The following LAMA2 variants were observed in gnomAD, a reference collection of about 807,000 sequenced individuals.
The protein encoded by LAMA2 is laminin subunit alpha 2.
LAMA2 carries 269 observed loss-of-function variants against 364.8 expected under a neutral mutation model. That is an observed-to-expected ratio of 0.74 (90% confidence interval 0.67 to 0.82). The LOEUF (loss-of-function observed/expected upper bound fraction) is 0.82, where lower values mean the gene tolerates loss of function less well. Ranked by LOEUF, LAMA2 falls within the 40% of genes least tolerant of loss-of-function variation. The probability of loss-of-function intolerance (pLI) is 0.00; values close to 1 mark genes in which losing one functional copy is unlikely to be tolerated. For synonymous variants in LAMA2, 1,379 were observed against 1,370.6 expected, an observed-to-expected ratio of 1.01 and a Z score of -0.14; for missense variants, 3,807 against 3,873.2, an observed-to-expected ratio of 0.98 and a Z score of 0.45.
intron 1 of LAMA2, among the ~76,000 whole-genome samples, chr6:129,040,154 G>A (rs996134689): frequency 1.3e-5 from 2 of 152,168 alleles, no homozygotes; most frequent in African/African-American, 2.4e-5. Flanking sequence ...TTTCTGTGGA[G>A]TCACATTTTA....
intron 37 of LAMA2, among the ~76,000 whole-genome samples, chr6:129,398,472 C>CTTTTTTTTTTTTTTTTTTTTTTTT (rs71028159): frequency 9.0e-6 from 1 of 110,552 alleles, no homozygotes; most frequent in Non-Finnish European, 1.8e-5. Flanking sequence ...CTTTTCTTTT[C>CTTTTTTTTTTTTTTTTTTTTTTTT]TTTTTTTTTT....
intron 28 of LAMA2, among the ~76,000 whole-genome samples, chr6:129,322,307 A>G (rs370743643): frequency 6.6e-6 from 1 of 152,226 alleles, no homozygotes; most frequent in East Asian, 1.9e-4. Flanking sequence ...TACAGTAAGC[A>G]CTGCTCTTTC....
intron 3 of LAMA2, among the ~76,000 whole-genome samples, chr6:129,061,738 A>G (rs148461168): frequency 7.2e-5 from 11 of 152,250 alleles, no homozygotes; most frequent in African/African-American, 2.4e-4. Flanking sequence ...TTTATGCTTC[A>G]TTCATCATAA....
At chr6:129,094,944 A>G (rs1020650780) in intron 3 of LAMA2, among the ~76,000 whole-genome samples, 9 of 152,252 alleles carry the variant, frequency 5.9e-5, no homozygotes, top group Admixed American at 2.0e-4. Context: ...ATGACAATAT[A>G]TGCTAACTGG....
intron 49 of LAMA2, among the ~76,000 whole-genome samples, chr6:129,460,989 A>T (rs555130838): frequency 9.9e-5 from 15 of 152,154 alleles, no homozygotes; most frequent in Admixed American, 8.5e-4. Context: ...ACATCCTATC[A>T]TACTAAGCAT....
chr6:128,941,279 G>A (rs1399353576), intron 1 of LAMA2, among the ~76,000 whole-genome samples: 1 of 152,134 alleles, frequency 6.6e-6, no homozygotes, highest in Non-Finnish European at 1.5e-5. Context: ...TTGGTTACCC[G>A]CCATATAATG....
At chr6:129,132,880 A>G (rs999142295) in intron 4 of LAMA2, among the ~76,000 whole-genome samples, 3 of 152,234 alleles carry the variant, frequency 2.0e-5, no homozygotes, top group Non-Finnish European at 4.4e-5. Flanking sequence ...AAACTGAGGT[A>G]TAGAGAGATT....
chr6:129,272,560 T>C (rs546837587), intron 17 of LAMA2, among the ~76,000 whole-genome samples: 35 of 151,474 alleles, frequency 2.3e-4, no homozygotes, highest in African/African-American at 7.7e-4. Context: ...AAGACTTCTT[T>C]AAAAAAAAAT....
intron 64 of LAMA2, among the ~76,000 whole-genome samples, 166 bp from the exon 65 acceptor site, chr6:129,516,024 C>CTTTCTTTCT (rs1787039255): frequency 6.6e-6 from 1 of 152,038 alleles, no homozygotes; most frequent in Admixed American, 6.6e-5. Context: ...TTAAGTTGAT[C>CTTTCTTTCT]TTTCTTTCTC....
chr6:129,245,074 G>T (rs964098113), intron 12 of LAMA2, among the ~76,000 whole-genome samples: 10 of 152,054 alleles, frequency 6.6e-5, no homozygotes, highest in Non-Finnish European at 1.2e-4. Flanking sequence ...CTCCAGGAAT[G>T]GAGGTAAATT....
chr6:128,977,116 A>G (rs1216894510), intron 1 of LAMA2, among the ~76,000 whole-genome samples: 4 of 121,854 alleles, frequency 3.3e-5, no homozygotes, highest in Admixed American at 9.4e-5. Flanking sequence ...GCATTGCTAC[A>G]TTATCAATTT....
chr6:129,212,063 A>C (rs1783134450), intron 12 of LAMA2, among the ~76,000 whole-genome samples: 1 of 152,240 alleles, frequency 6.6e-6, no homozygotes, highest in Admixed American at 6.5e-5. Context: ...TGTTGGATTT[A>C]AGTTCCTTTG....
At chr6:129,331,725 C>G (rs1775667310) in intron 29 of LAMA2, among the ~76,000 whole-genome samples, 1 of 152,002 alleles carries the variant, frequency 6.6e-6, no homozygotes, top group African/African-American at 2.4e-5. Context: ...CCACTTCATT[C>G]TTCTCCTTCC....
intron 31 of LAMA2, 106 bp downstream of exon 31, chr6:129,349,490 A>G (rs1371610260): frequency 1.1e-6 from 1 of 919,882 alleles, no homozygotes. Flanking sequence ...ATATTTGCAT[A>G]TCCTTTAGAA....
intron 4 of LAMA2, among the ~76,000 whole-genome samples, chr6:129,106,653 T>TA (rs901736468): frequency 9.2e-5 from 14 of 152,056 alleles, no homozygotes; most frequent in African/African-American, 3.4e-4. Context: ...TGGAGTCCTC[T>TA]AAAAAATGAA....
chr6:129,328,558 C>G, intron 29 of LAMA2, 146 bp downstream of exon 29: 1 of 1,340,634 alleles, frequency 7.5e-7, no homozygotes, highest in East Asian at 2.3e-5. Flanking sequence ...AAGATATTCA[C>G]AGATTCTGCA....
intron 3 of LAMA2, among the ~76,000 whole-genome samples, chr6:129,064,384 A>G (rs535211333): frequency 5.3e-5 from 8 of 151,736 alleles, no homozygotes; most frequent in African/African-American, 1.9e-4. Context: ...AAAAATGAAG[A>G]AAAGATAAAA....
At chr6:129,245,986 A>G (rs933277824) in intron 12 of LAMA2, among the ~76,000 whole-genome samples, 4 of 152,208 alleles carry the variant, frequency 2.6e-5, no homozygotes, top group African/African-American at 9.6e-5. Flanking sequence ...GACCAACAGA[A>G]ATAAGCCACA....
intron 3 of LAMA2, among the ~76,000 whole-genome samples, chr6:129,091,933 A>G (rs1013713821): frequency 2.0e-5 from 3 of 152,170 alleles, no homozygotes; most frequent in Non-Finnish European, 4.4e-5. Context: ...AGAGTGAACA[A>G]TTTTCTGAGA....
Sources: allele counts gnomAD v4.1 joint callset (sites outside exome capture counted in the v4.1 genomes callset), GRCh38; gene constraint gnomAD v4.1.1; transcripts MANE v1.5; gene names NCBI Gene and HGNC (gene_info 2026-07-23, HGNC 2026-07-21).